The following XRCC4 variants were observed in gnomAD, a reference collection of about 807,000 sequenced individuals.
The protein encoded by XRCC4 is X-ray repair cross complementing 4, also known as DNA repair protein XRCC4.
XRCC4 carries 28 observed loss-of-function variants against 39.1 expected under a neutral mutation model. The ratio of observed to expected loss-of-function variants is 0.72; its 90% confidence interval spans 0.53 to 0.98. XRCC4 has a LOEUF of 0.98. XRCC4 is among the 50% of genes least tolerant of loss of function. The pLI is 0.00. For synonymous variants in XRCC4, 123 were observed against 126.4 expected (o/e 0.97, Z 0.18); for missense variants, 350 against 376.4 (o/e 0.93, Z 0.58).
chr5:83,129,499 T>C (rs1344697620), intron 3 of XRCC4, among the ~76,000 whole-genome samples: 4 of 152,058 alleles, frequency 2.6e-5, no homozygotes, highest in African/African-American at 7.2e-5. Flanking sequence ...GTAGTTTTTT[T>C]CAATTCTGTG....
At chr5:83,273,658 A>G (rs1430950500) in intron 7 of XRCC4, among the ~76,000 whole-genome samples, 1 of 152,130 alleles carries the variant, frequency 6.6e-6, no homozygotes, top group Non-Finnish European at 1.5e-5. Context: ...TCCCAGCACC[A>G]TTTATTAAAT....
chr5:83,300,207 T>G (rs1712738143), intron 7 of XRCC4, among the ~76,000 whole-genome samples: 1 of 152,166 alleles, frequency 6.6e-6, no homozygotes, highest in Admixed American at 6.5e-5. Flanking sequence ...ATAGATGGTC[T>G]CCTATTAGAC....
chr5:83,338,995 A>G (rs1400671467), intron 7 of XRCC4, among the ~76,000 whole-genome samples: 2 of 152,136 alleles, frequency 1.3e-5, no homozygotes, highest in Non-Finnish European at 2.9e-5. Context: ...AAATGGCTGG[A>G]TAGGTCTTTC....
chr5:83,189,278 GT>G (rs776588518), intron 3 of XRCC4, among the ~76,000 whole-genome samples: 3 of 151,934 alleles, frequency 2.0e-5, no homozygotes, highest in African/African-American at 7.3e-5. Context: ...CTTTTGTGGA[GT>G]TTTTTTCTTT....
chr5:83,297,914 A>G (rs970828001), intron 7 of XRCC4, among the ~76,000 whole-genome samples: 1 of 151,980 alleles, frequency 6.6e-6, no homozygotes, highest in African/African-American at 2.4e-5. Flanking sequence ...AGAATCATTA[A>G]CAAAAGATTT....
At chr5:83,339,874 A>G (rs16900339) in intron 7 of XRCC4, among the ~76,000 whole-genome samples, 3,038 of 152,218 alleles carry the variant, frequency 0.02, 94 homozygotes, top group African/African-American at 0.069. Flanking sequence ...GTAAGTTTGT[A>G]TTTAAGGGAA....
At chr5:83,255,101 AAAAAG>A (rs1330713735) in intron 6 of XRCC4, among the ~76,000 whole-genome samples, 3 of 152,046 alleles carry the variant, frequency 2.0e-5, no homozygotes, top group Non-Finnish European at 4.4e-5. Context: ...AAAGAAAAAA[AAAAAG>A]AAAAGAAATT....
At chr5:83,235,349 A>AAAG (rs1263188590) in intron 6 of XRCC4, among the ~76,000 whole-genome samples, 8 of 151,186 alleles carry the variant, frequency 5.3e-5, no homozygotes, top group African/African-American at 1.9e-4. Context: ...AAAAAAAAAA[A>AAAG]AAAAGAAAGA....
At chr5:83,350,286 C>T (rs912362682) in intron 7 of XRCC4, among the ~76,000 whole-genome samples, 3 of 152,118 alleles carry the variant, frequency 2.0e-5, no homozygotes, top group African/African-American at 4.8e-5. Context: ...TGCCCAGTAA[C>T]GGGATTGCTG....
chr5:83,083,889 T>G (rs1321680639), intron 1 of XRCC4, among the ~76,000 whole-genome samples: 1 of 152,182 alleles, frequency 6.6e-6, no homozygotes, highest in African/African-American at 2.4e-5. Flanking sequence ...TCGTATAATA[T>G]TAGATGTAAC....
chr5:83,358,384 CT>C (rs368884932), downstream of XRCC4, among the ~76,000 whole-genome samples: 337 of 151,946 alleles, frequency 2.2e-3, no homozygotes, highest in African/African-American at 7.7e-3. Flanking sequence ...CTATTTTCCT[CT>C]TTTTTTTCTT....
chr5:83,178,768 C>T (rs879659571), intron 3 of XRCC4, among the ~76,000 whole-genome samples: 1 of 152,214 alleles, frequency 6.6e-6, no homozygotes, highest in African/African-American at 2.4e-5. Flanking sequence ...AGAGGATAAT[C>T]GACATCAGAG....
intron 3 of XRCC4, among the ~76,000 whole-genome samples, chr5:83,152,488 C>G (rs1021573212): frequency 6.6e-6 from 1 of 151,982 alleles, no homozygotes; most frequent in Non-Finnish European, 1.5e-5. Context: ...CAAAAATTAG[C>G]TGGGCTTGGT....
At chr5:83,252,784 A>C (rs912267303) in intron 6 of XRCC4, among the ~76,000 whole-genome samples, 1 of 152,108 alleles carries the variant, frequency 6.6e-6, no homozygotes, top group African/African-American at 2.4e-5. Context: ...TTTACCCTAC[A>C]TCTCATCTGG....
intron 6 of XRCC4, among the ~76,000 whole-genome samples, chr5:83,225,057 G>A (rs944125295): frequency 5.3e-5 from 8 of 152,104 alleles, no homozygotes; most frequent in Non-Finnish European, 1.2e-4. Flanking sequence ...CACTTGATAA[G>A]ACAACTACCT....
intron 6 of XRCC4, among the ~76,000 whole-genome samples, chr5:83,243,042 T>A (rs1046048968): frequency 1.3e-5 from 2 of 152,222 alleles, no homozygotes; most frequent in African/African-American, 4.8e-5. Context: ...TTTTTTTCTC[T>A]CTCTCGACAT....
At chr5:83,214,535 T>TA (rs1431052370) in intron 6 of XRCC4, among the ~76,000 whole-genome samples, 1 of 151,746 alleles carries the variant, frequency 6.6e-6, no homozygotes, top group Non-Finnish European at 1.5e-5. Flanking sequence ...CACCCATCTT[T>TA]AAAAAATAAG....
intron 1 of XRCC4, among the ~76,000 whole-genome samples, chr5:83,101,225 A>G (rs1315511635): frequency 6.6e-6 from 1 of 151,998 alleles, no homozygotes; most frequent in Non-Finnish European, 1.5e-5. Context: ...CTCTTTGCAT[A>G]TTTATAATTT....
Position 83,173,901 on chromosome 5 carries a change from A to G in XRCC4, c.316-21869A>G, listed in dbSNP as rs28599655. ...AGAACAAGTCTCTTAAGAAGCAGTC[A>G]GCTACCTTTATACTCAGTCTTTCTG... is the stretch of plus-strand genomic sequence containing the variant. On this transcript the variant is annotated intron_variant, in intron 3 of 7. Coordinates refer to ENST00000396027, the MANE Select transcript of XRCC4 (RefSeq NM_003401.5). Among the ~76,000 whole-genome samples, 493 of 152,330 alleles carry G rather than the reference A, an allele frequency of 3.2e-3. 2 individuals are homozygous for G. Among genetic ancestry groups the G allele is most frequent in the African/African-American group, 0.011 (470 of 41,586 alleles).
Sources: gnomAD v4.1 joint callset for allele counts (sites outside exome capture counted in the v4.1 genomes callset) on GRCh38, gnomAD v4.1.1 for gene constraint, MANE v1.5 for transcripts, NCBI Gene and HGNC (gene_info 2026-07-23, HGNC 2026-07-21) for gene names.